ATP2B2: variants seen among roughly 807,000 people sequenced by gnomAD.
The protein encoded by ATP2B2 is plasma membrane calcium-transporting ATPase 2.
A neutral mutation model predicts 120.0 loss-of-function variants in ATP2B2; 15 were observed. The observed-to-expected ratio is 0.12, with a 90% CI of 0.08 to 0.19. The LOEUF (loss-of-function observed/expected upper bound fraction) is 0.19. Among genes scored for constraint, ATP2B2 ranks in the 10% least tolerant of loss-of-function variants. The pLI is 1.00. For missense variants in ATP2B2, 1,045 were observed against 1,719.8 expected (o/e 0.61, Z 6.94); for synonymous variants, 694 against 700.3 (o/e 0.99, Z 0.14).
Position 10,404,923 on chromosome 3 carries a change from G to A in ATP2B2, c.398-2575C>T, listed in dbSNP as rs190526388. On this transcript the variant is annotated intron_variant, in intron 3 of 22. Transcript: ENST00000360273. ...CCCCTGCCCCTTGCTATGTGCTCTG[G>A]AAATGGGAAGGCTGTTATTTCCCCT... Among the ~76,000 whole-genome samples, 6 of 152,286 alleles carry A rather than the reference G, an allele frequency of 3.9e-5. No homozygotes were observed. The East Asian group carries it at 1.2e-3, about 29-fold the overall frequency.
intron 2 of ATP2B2, among the ~76,000 whole-genome samples, chr3:10,593,198 C>T (rs992122579): frequency 2.6e-5 from 4 of 152,196 alleles, no homozygotes; most frequent in African/African-American, 4.8e-5. Context: ...GGGAAGGTCA[C>T]CTGAAAAATA....
intron 19 of ATP2B2, among the ~76,000 whole-genome samples, chr3:10,341,974 C>T (rs183888324): frequency 4.6e-5 from 7 of 152,362 alleles, no homozygotes; most frequent in Non-Finnish European, 1.0e-4. Flanking sequence ...AGGCCAGCTC[C>T]GGGAGGCTCC....
intron 3 of ATP2B2, among the ~76,000 whole-genome samples, chr3:10,404,176 C>G (rs1446226355): frequency 1.3e-5 from 2 of 152,250 alleles, no homozygotes; most frequent in Non-Finnish European, 2.9e-5. Context: ...TGTGGCCCAG[C>G]TGCATGCACC....
chr3:10,547,729 A>G (rs2067582035), intron 2 of ATP2B2, among the ~76,000 whole-genome samples: 1 of 152,194 alleles, frequency 6.6e-6, no homozygotes, highest in South Asian at 2.1e-4. Flanking sequence ...GTCCTCAGGG[A>G]GGCTGCAGGC....
chr3:10,572,926 A>G (rs572066774), intron 2 of ATP2B2, among the ~76,000 whole-genome samples: 2 of 152,288 alleles, frequency 1.3e-5, no homozygotes, highest in South Asian at 4.1e-4. Context: ...TGCTCTTTCT[A>G]TTCTACCAGA....
chr3:10,467,518 C>T (rs1313660493), intron 1 of ATP2B2, among the ~76,000 whole-genome samples: 1 of 152,182 alleles, frequency 6.6e-6, no homozygotes, highest in Non-Finnish European at 1.5e-5. Context: ...ACAGTTGGCA[C>T]ATGGCAAAAG....
chr3:10,660,633 G>C (rs543974345), intron 1 of ATP2B2, among the ~76,000 whole-genome samples: 1 of 152,168 alleles, frequency 6.6e-6, no homozygotes, highest in African/African-American at 2.4e-5. Flanking sequence ...AAAAGTCCAG[G>C]ACCAGACGGA....
At chr3:10,611,260 G>T (rs139599270) in intron 2 of ATP2B2, among the ~76,000 whole-genome samples, 1 of 152,160 alleles carries the variant, frequency 6.6e-6, no homozygotes, top group Non-Finnish European at 1.5e-5. Flanking sequence ...CCTGGCAGGG[G>T]TGGGCAAGGC....
chr3:10,363,230 C>T (rs923217855), intron 12 of ATP2B2, among the ~76,000 whole-genome samples: 1 of 152,210 alleles, frequency 6.6e-6, no homozygotes, highest in Non-Finnish European at 1.5e-5. Context: ...GAATCAGGGA[C>T]CCTCCCCTTT....
intron 2 of ATP2B2, among the ~76,000 whole-genome samples, chr3:10,439,679 T>C (rs968922076): frequency 1.3e-5 from 2 of 152,220 alleles, no homozygotes; most frequent in Non-Finnish European, 1.5e-5. Flanking sequence ...TTTTTCTTTT[T>C]TTCAACACTT....
intron 11 of ATP2B2, among the ~76,000 whole-genome samples, chr3:10,374,597 C>G (rs185911724): frequency 1.1e-3 from 174 of 152,306 alleles, no homozygotes; most frequent in Non-Finnish European, 2.4e-4. Flanking sequence ...CTACGCCCGG[C>G]CCTTCGAGGT....
chr3:10,630,279 ACC>A (rs1156854585), intron 1 of ATP2B2, among the ~76,000 whole-genome samples: 1 of 152,088 alleles, frequency 6.6e-6, no homozygotes, highest in African/African-American at 2.4e-5. Flanking sequence ...TAAGCCCAGT[ACC>A]CATTAGTTAC....
chr3:10,345,275 A>C, intron 18 of ATP2B2, 109 bp downstream of exon 18: 1 of 1,297,100 alleles, frequency 7.7e-7, no homozygotes, highest in Non-Finnish European at 1.1e-6. Flanking sequence ...TGGGTGCCTC[A>C]TCCCCGGCTG....
chr3:10,698,549 G>A (rs2071773048), intron 1 of ATP2B2, among the ~76,000 whole-genome samples: 1 of 152,216 alleles, frequency 6.6e-6, no homozygotes, highest in Non-Finnish European at 1.5e-5. Context: ...ATGACCTGCA[G>A]AACATCCCTC....
At chr3:10,596,690 T>C (rs2068772074) in intron 2 of ATP2B2, among the ~76,000 whole-genome samples, 1 of 152,228 alleles carries the variant, frequency 6.6e-6, no homozygotes, top group Admixed American at 6.5e-5. Context: ...CTCCCTGGCT[T>C]AGTTTCAAAA....
At chr3:10,599,361 C>G (rs1321217320) in intron 2 of ATP2B2, among the ~76,000 whole-genome samples, 2 of 152,194 alleles carry the variant, frequency 1.3e-5, no homozygotes, top group Non-Finnish European at 2.9e-5. Flanking sequence ...TCTTCTGTCC[C>G]AGGTAGACTC....
chr3:10,343,266 C>T lies in ATP2B2; in HGVS notation c.2704-301G>A, dbSNP rs367845871. Among the ~76,000 whole-genome samples, 384 of 152,242 alleles carry T rather than the reference C, an allele frequency of 2.5e-3. 7 individuals are homozygous for T. Among genetic ancestry groups the T allele is most frequent in the South Asian group, 5.4e-3 (26 of 4,816 alleles). On this transcript the variant is annotated intron_variant, in intron 18 of 22. Transcript: ENST00000360273. This position sits in a 1 kb window ranked among gnomAD's most constrained non-coding sequence, Gnocchi z 4.2. ...ATCTCACCATCTTCCCCTCTCCCCT[C>T]CAGCCCCCGAGGAGGGGGTCTCTCC...
chr3:10,465,809 G>A (rs1421822143), intron 1 of ATP2B2, among the ~76,000 whole-genome samples: 3 of 152,232 alleles, frequency 2.0e-5, no homozygotes, highest in Non-Finnish European at 4.4e-5. Flanking sequence ...ATGGGTGCTA[G>A]GTTGGGGGGC....
In ATP2B2 at chr3:10,516,528, C is replaced by T. The variant is rs147032771; in HGVS notation, c.-320+17511G>A. ...CACCTCAGATACCATCCTGTCGTTC[C>T]AGTTCTCATCCCATTGTCCCCATAA... On this transcript the variant is annotated intron_variant, in intron 3 of 21. Coordinates refer to the ATP2B2 transcript ENST00000646379. Among the ~76,000 whole-genome samples the T allele has an allele frequency of 2.8e-3, 422 of 152,310 alleles. 2 individuals are homozygous for T. Among genetic ancestry groups the T allele is most frequent in the African/African-American group, 9.8e-3 (406 of 41,566 alleles).
Sources: gnomAD v4.1 joint callset for allele counts (sites outside exome capture counted in the v4.1 genomes callset) on GRCh38, gnomAD v4.1.1 for gene constraint, Gnocchi (gnomAD v3.1) non-coding constraint, MANE v1.5 for transcripts, NCBI Gene and HGNC (gene_info 2026-07-23, HGNC 2026-07-21) for gene names.